POLRMT: variants seen among roughly 807,000 people sequenced by gnomAD.
POLRMT encodes RNA polymerase mitochondrial, also known as DNA-directed RNA polymerase, mitochondrial.
Under a neutral mutation model 132.2 loss-of-function variants are expected in POLRMT, and 114 were observed. The ratio of observed to expected loss-of-function variants is 0.86; its 90% CI spans 0.74 to 1.01. The LOEUF is 1.01. Ranked by LOEUF, POLRMT falls within the 50% of genes least tolerant of loss-of-function variation. POLRMT has a pLI of 0.00. For synonymous variants in POLRMT, 1,020 were observed against 773.4 expected, an observed-to-expected ratio of 1.32 and a Z score of -5.29; for missense variants, 2,003 against 1,729.1, an observed-to-expected ratio of 1.16 and a Z score of -2.81.
chr19:625,011 T>A (rs1984921578), intron 4 of POLRMT, 106 bp from the exon 5 acceptor site: 2 of 1,520,728 alleles, frequency 1.3e-6, no homozygotes, highest in South Asian at 2.5e-5. Flanking sequence ...CAGGTCTCGG[T>A]GTGGCTGTCA....
chr19:620,931 CCAGGG>C (rs1984502287), intron 10 of POLRMT, 122 bp downstream of exon 10: 1 of 295,446 alleles, frequency 3.4e-6, no homozygotes, highest in Non-Finnish European at 5.3e-6. Context: ...GCAGGGGGCG[CCAGGG>C]GAGGGGGAGG....
chr19:619,528 T>G, intron 13 of POLRMT, 58 bp downstream of exon 13: 5 of 1,596,254 alleles, frequency 3.1e-6, no homozygotes, highest in Non-Finnish European at 4.3e-6. Flanking sequence ...GGCACACCCG[T>G]CTGAGTTTTA....
chr19:629,969 C>A lies in POLRMT; in HGVS notation c.393G>T (p.Arg131=). ...ACCGCTGCATACGCATCTGCTGGGT[C>A]CGCTTATCCTTCTCCAGTATCTTTG... ...RWAKILEKDK[R]TQQMRMQRLK... Residue 131 remains arginine (R), a synonymous_variant, in exon 3 of 21, where the codon CGG becomes CGT. Coordinates refer to ENST00000588649, the MANE Select transcript of POLRMT (RefSeq NM_005035.4). The A allele has an allele frequency of 6.2e-7, 1 of 1,613,818 alleles. No homozygotes were observed. The highest frequency in any genetic ancestry group is 8.5e-7 in the Non-Finnish European group (1 of 1,180,032).
At chr19:619,914 T>G (rs772100473) in intron 12 of POLRMT, 44 bp downstream of exon 12, 1 of 1,598,220 alleles carries the variant, frequency 6.3e-7, no homozygotes, top group Admixed American at 1.7e-5. Context: ...GGGCTCACAT[T>G]GCCCCCACGC....
chr19:620,605 A>G (rs1984451051), intron 10 of POLRMT, 118 bp from the exon 11 acceptor site: 1 of 1,283,612 alleles, frequency 7.8e-7, no homozygotes, highest in East Asian at 2.7e-5. Context: ...GATAGTGAAC[A>G]CGGGACGCAT....
At chr19:630,209 C>A in intron 2 of POLRMT, 41 bp from the exon 3 acceptor site, 1 of 1,531,836 alleles carries the variant, frequency 6.5e-7, no homozygotes, top group Non-Finnish European at 8.8e-7. Context: ...GGGACCCCCT[C>A]CCCATTCGAG....
intron 17 of POLRMT, 180 bp from the exon 18 acceptor site, chr19:618,029 A>AG (rs1984145777): frequency 3.3e-6 from 2 of 602,366 alleles, no homozygotes; most frequent in Non-Finnish European, 5.9e-6. Context: ...GTATCAGTAC[A>AG]GGGGGAGGAA....
intron 6 of POLRMT, 94 bp downstream of exon 6, chr19:623,360 C>T (rs1600575963): frequency 1.3e-6 from 2 of 1,535,454 alleles, no homozygotes; most frequent in East Asian, 2.3e-5. Context: ...TCAGCCCCTG[C>T]GGCGGACACG....
At chr19:629,442 T>A in intron 3 of POLRMT, 98 bp downstream of exon 3, 1 of 1,213,654 alleles carries the variant, frequency 8.2e-7, no homozygotes, top group South Asian at 2.6e-5. Context: ...ACAAAGGACT[T>A]GAACCTGGGG....
intron 8 of POLRMT, 84 bp from the exon 9 acceptor site, chr19:622,457 C>T: frequency 6.8e-7 from 1 of 1,463,108 alleles, no homozygotes; most frequent in South Asian, 1.4e-5. Context: ...CCCGGTGGGG[C>T]ATCTGTCAGC....
At chr19:619,876 A>G (rs2144590140) in intron 12 of POLRMT, 82 bp downstream of exon 12, 1 of 1,585,756 alleles carries the variant, frequency 6.3e-7, no homozygotes, top group Non-Finnish European at 8.6e-7. Context: ...GGACAGGCCA[A>G]GGTGAGGGCA....
intron 17 of POLRMT, chr19:618,174 G>A (rs1984162194): frequency 1.8e-6 from 1 of 549,564 alleles, no homozygotes; most frequent in East Asian, 3.0e-5. Context: ...CAGCTCCCGT[G>A]GCCGGTAGAT....
intron 2 of POLRMT, among the ~76,000 whole-genome samples, chr19:631,812 G>A (rs1339877531): frequency 2.0e-5 from 3 of 152,088 alleles, no homozygotes; most frequent in Non-Finnish European, 4.4e-5. Flanking sequence ...CATGATCTCG[G>A]CTCACCGCAA....
At chr19:626,405 C>T (rs1014274430) in intron 3 of POLRMT, among the ~76,000 whole-genome samples, 1 of 151,708 alleles carries the variant, frequency 6.6e-6, no homozygotes, top group Non-Finnish European at 1.5e-5. Context: ...CCACCCGCCT[C>T]GGCCTCCCAA....
At chr19:620,519 C>A in intron 10 of POLRMT, 32 bp from the exon 11 acceptor site, 3 of 1,520,808 alleles carry the variant, frequency 2.0e-6, no homozygotes, top group Non-Finnish European at 2.7e-6. Flanking sequence ...GGCAGTGAGG[C>A]CCGGGCCCGA....
At chr19:628,923 G>A (rs1433607055) in intron 3 of POLRMT, among the ~76,000 whole-genome samples, 1 of 152,146 alleles carries the variant, frequency 6.6e-6, no homozygotes, top group Non-Finnish European at 1.5e-5. Flanking sequence ...ATAATCACTT[G>A]AACCTGGGAG....
chr19:628,215 T>C (rs374221669), intron 3 of POLRMT, among the ~76,000 whole-genome samples: 3 of 152,198 alleles, frequency 2.0e-5, no homozygotes, highest in East Asian at 3.9e-4. Context: ...AGTGCGTTTC[T>C]GCTGTGCAAG....
Position 630,165 on chromosome 19 carries a change from A to G in POLRMT, c.197T>C (p.Leu66Pro). The G allele has an allele frequency of 1.9e-6, 3 of 1,589,736 alleles. No homozygotes were observed. Among genetic ancestry groups the G allele is most frequent in the South Asian group, 1.1e-5 (1 of 87,088 alleles). The change falls in exon 3 of 21, where the codon CTC becomes CCC. Residue 66 changes from leucine (L) to proline (P), a missense_variant. Transcript: ENST00000588649. ...DWGHVELLEV[L>P]QARVRQLQAE... ...CTGCAGCTGCCGCACCCGCGCCTGG[A>G]GCACTGTGAGGGGCAGAAGGCGAGG...
At chr19:618,783 G>T in intron 15 of POLRMT, 23 bp from the exon 16 acceptor site, 1 of 1,580,734 alleles carries the variant, frequency 6.3e-7, no homozygotes. Flanking sequence ...AGGGGCCGGT[G>T]AGTCCCACCC....
Sources: allele counts gnomAD v4.1 joint callset (sites outside exome capture counted in the v4.1 genomes callset), GRCh38; gene constraint gnomAD v4.1.1; transcripts MANE v1.5; gene names NCBI Gene and HGNC (gene_info 2026-07-23, HGNC 2026-07-21).